The following GLB1 variants were observed in gnomAD, a reference collection of about 807,000 sequenced individuals.
GLB1 encodes the protein beta-galactosidase.
In GLB1, 56 loss-of-function variants were observed where a neutral mutation model predicts 74.0. The observed-to-expected ratio is 0.76, with a 90% CI of 0.61 to 0.94. GLB1 has a LOEUF of 0.94. Ranked by LOEUF, GLB1 falls within the 40% of genes least tolerant of loss-of-function variation. The pLI, the probability that GLB1 is intolerant of heterozygous loss-of-function variation, is 0.00. For missense variants in GLB1, 787 were observed against 845.5 expected (o/e 0.93, Z 0.86); for synonymous variants, 323 against 323.6 (o/e 1.00, Z 0.02).
rs774701855 is a variant in GLB1, at chr3:33,058,185, C to T, written c.637G>A (p.Asp213Asn). 3.7e-6 allele frequency: 6 copies of T among 1,614,132 alleles called. No homozygotes were observed. The highest frequency in any genetic ancestry group is 5.1e-6 in the Non-Finnish European group (6 of 1,180,012). The change falls in exon 6 of 16, where the codon GAT becomes AAT. Residue 213 changes from aspartate to asparagine, a missense_variant. Coordinates refer to ENST00000307363, the MANE Select transcript of GLB1 (RefSeq NM_000404.4). ...LQKRFRHHLG[D>N]DVVLFTTDGA... The stretch of plus-strand genomic sequence containing the variant: ...TCAGTGGTAAACAGAACCACATCAT[C>T]CCCCAGATGGTGGCGAAAGCGCTTC...
In GLB1 at chr3:33,072,726, G is replaced by A; in HGVS notation, c.76-13C>T. On this transcript the variant is annotated splice_polypyrimidine_tract_variant and intron_variant, in intron 1 of 15. Transcript: ENST00000307363. ...TCTGGGTGGCATTCTACAGAGCAAG[G>A]ATGGGGTCACATGAGAACTTCCACC... The A allele has an allele frequency of 6.2e-7, 1 of 1,614,062 alleles. No individual in the cohort carries two copies. Among genetic ancestry groups the A allele is most frequent in the Non-Finnish European group, 8.5e-7 (1 of 1,180,024 alleles).
chr3:32,993,106 G>A (rs4075736), downstream of GLB1, among the ~76,000 whole-genome samples: 26,080 of 152,106 alleles, frequency 0.17, 2,629 homozygotes, highest in Non-Finnish European at 0.22. Context: ...TTTCATAAAG[G>A]AGAGAAATAA....
At chr3:33,018,350 A>G (rs917571099) in intron 13 of GLB1, 98 bp downstream of exon 13, 8 of 1,088,126 alleles carry the variant, frequency 7.4e-6, no homozygotes, top group African/African-American at 1.7e-5. Flanking sequence ...CTGAGGCTGA[A>G]AAGGTGAGCA....
chr3:33,071,433 T>G (rs1699883290), intron 2 of GLB1, among the ~76,000 whole-genome samples: 1 of 152,208 alleles, frequency 6.6e-6, no homozygotes, highest in African/African-American at 2.4e-5. Context: ...GCCTGTTAGT[T>G]AGTTACTTTG....
At chr3:33,096,917 C>T in intron 1 of GLB1, 94 bp downstream of exon 1, 1 of 1,534,042 alleles carries the variant, frequency 6.5e-7, no homozygotes, top group Non-Finnish European at 8.8e-7. Context: ...GGCTCCCCGC[C>T]CTGCGGGACC....
At chr3:33,087,005 G>C (rs750821552) in intron 1 of GLB1, among the ~76,000 whole-genome samples, 2 of 144,638 alleles carry the variant, frequency 1.4e-5, no homozygotes, top group African/African-American at 2.6e-5. Context: ...GTTGGTTTTT[G>C]AAAAAAAAAT....
intron 1 of GLB1, among the ~76,000 whole-genome samples, chr3:33,082,449 A>G (rs1042514206): frequency 6.6e-6 from 1 of 152,224 alleles, no homozygotes; most frequent in Non-Finnish European, 1.5e-5. Flanking sequence ...AATTGTAGCT[A>G]TTAGTGCCCC....
intron 1 of GLB1, among the ~76,000 whole-genome samples, chr3:33,083,041 A>T (rs1014642931): frequency 1.3e-5 from 2 of 152,168 alleles, no homozygotes; most frequent in East Asian, 3.9e-4. Flanking sequence ...GACCTAAAAA[A>T]AAGACCCAGC....
the GLB1 span, among the ~76,000 whole-genome samples, chr3:32,981,090 CAAAAAAA>C: frequency 3.2e-4 from 15 of 46,300 alleles, no homozygotes; most frequent in African/African-American, 1.2e-3. Context: ...GACTCCGTCT[CAAAAAAA>C]AAAAAAAAAA....
chr3:33,023,914 G>A (rs1697617588), intron 11 of GLB1, among the ~76,000 whole-genome samples: 1 of 152,184 alleles, frequency 6.6e-6, no homozygotes, highest in Non-Finnish European at 1.5e-5. Context: ...AGCCTTGGCA[G>A]CCATAACAAT....
chr3:33,004,041 G>C (rs966544859), intron 15 of GLB1, among the ~76,000 whole-genome samples: 1 of 151,676 alleles, frequency 6.6e-6, no homozygotes, highest in Non-Finnish European at 1.5e-5. Context: ...AAAAAAAAAA[G>C]GGGTAGAACA....
intron 1 of GLB1, chr3:33,094,094 G>C (rs766377963): frequency 1.2e-6 from 2 of 1,614,242 alleles, no homozygotes; most frequent in South Asian, 1.1e-5. Context: ...TGAGCTCAAG[G>C]CTCTCTGCCA....
At chr3:33,023,309 C>T (rs1201524738) in intron 11 of GLB1, among the ~76,000 whole-genome samples, 2 of 152,128 alleles carry the variant, frequency 1.3e-5, no homozygotes, top group Non-Finnish European at 2.9e-5. Context: ...GCTCCCTTTA[C>T]AAGAGTGACT....
chr3:32,963,275 G>A, the GLB1 span, among the ~76,000 whole-genome samples: 1 of 152,098 alleles, frequency 6.6e-6, no homozygotes, highest in Non-Finnish European at 1.5e-5. Flanking sequence ...ACTACACATA[G>A]TTAAATTCCA....
intron 11 of GLB1, among the ~76,000 whole-genome samples, chr3:33,023,524 G>C (rs1174431865): frequency 6.6e-6 from 1 of 151,476 alleles, no homozygotes; most frequent in Non-Finnish European, 1.5e-5. Flanking sequence ...ACTATTTTAG[G>C]ATATCGAGAT....
chr3:33,045,769 C>G (rs376402574), intron 10 of GLB1: 2 of 1,170,350 alleles, frequency 1.7e-6, no homozygotes, highest in East Asian at 1.2e-4. Context: ...CTCACCTGAA[C>G]TTTTGGAAAG....
intron 6 of GLB1, 86 bp downstream of exon 6, chr3:33,058,003 G>T: frequency 6.5e-7 from 1 of 1,542,968 alleles, no homozygotes; most frequent in South Asian, 1.1e-5. Context: ...ATCTGCCCAT[G>T]ACACTTATAA....
At chr3:32,988,726 A>G in the GLB1 span, among the ~76,000 whole-genome samples, 1 of 152,242 alleles carries the variant, frequency 6.6e-6, no homozygotes, top group African/African-American at 2.4e-5. Context: ...ACTTCAGGAC[A>G]GGATCTGGAA....
chr3:33,038,065 A>T, intron 10 of GLB1: 1 of 144,190 alleles, frequency 6.9e-6, no homozygotes. Flanking sequence ...TTGGTGAGAG[A>T]GGTAACAAAT....
Sources: allele counts gnomAD v4.1 joint callset (sites outside exome capture counted in the v4.1 genomes callset), GRCh38; gene constraint gnomAD v4.1.1; transcripts MANE v1.5; gene names NCBI Gene and HGNC (gene_info 2026-07-23, HGNC 2026-07-21).